The following USP28 variants were observed in gnomAD, a reference collection of about 807,000 sequenced individuals.
The protein encoded by USP28 is ubiquitin carboxyl-terminal hydrolase 28.
Under a neutral mutation model 145.0 loss-of-function variants are expected in USP28, and 113 were observed. That is an observed-to-expected ratio of 0.78 (90% CI 0.67 to 0.91). The LOEUF (loss-of-function observed/expected upper bound fraction) is 0.91. Ranked by LOEUF, USP28 falls within the 40% of genes least tolerant of loss-of-function variation. The pLI, the probability that USP28 is intolerant of heterozygous loss-of-function variation, is 0.00. For synonymous variants in USP28, 447 were observed against 450.9 expected (o/e 0.99, Z 0.11); for missense variants, 1,201 against 1,289.6 (o/e 0.93, Z 1.05).
intron 9 of USP28, chr11:113,829,590 G>A (rs997243223): frequency 2.4e-6 from 1 of 424,396 alleles, no homozygotes; most frequent in African/African-American, 2.1e-5. Flanking sequence ...CACTTTGGGA[G>A]GCCAAGGTGG....
Position 113,806,390 on chromosome 11 carries a change from C to T in USP28, c.2400+99G>A, listed in dbSNP as rs1939959805. On this transcript the variant is annotated intron_variant, in intron 19 of 24. Coordinates refer to ENST00000003302, the Ensembl canonical transcript of USP28. ...CTGGGACTACATGCACACACCACCA[C>T]ACCCAGCCTTAACCCCATTTTTTCC... 5.1e-6 allele frequency: 5 copies of T among 985,592 alleles called. No homozygotes were observed. The Admixed American group carries it at 8.5e-5, about 17-fold the overall frequency. 61.1% of individuals were successfully genotyped at this position (985,592 alleles called of 1,614,324 possible).
intron 21 of USP28, 126 bp downstream of exon 22, chr11:113,804,547 G>A: frequency 1.3e-6 from 1 of 774,144 alleles, no homozygotes; most frequent in South Asian, 2.0e-5. Context: ...TCTTTACCAG[G>A]ATTTTGAGGG....
intron 7 of USP28, 28 bp from the exon 8 acceptor site, chr11:113,832,021 A>C (rs1228728175): frequency 6.3e-7 from 1 of 1,586,664 alleles, no homozygotes; most frequent in African/African-American, 1.4e-5. Flanking sequence ...ATTGCATAAA[A>C]GTTAGATGCA....
chr11:113,821,981 C>T (rs1371715019), intron 12 of USP28: 1 of 151,994 alleles, frequency 6.6e-6, no homozygotes, highest in Non-Finnish European at 1.5e-5. Flanking sequence ...ACTCGAAGGT[C>T]TCATTTTATT....
chr11:113,853,878 C>CAAAAAAAAAA lies in USP28; in HGVS notation c.135+370_135+379dup, dbSNP rs57739058. 1.9e-4 allele frequency among the ~76,000 whole-genome samples: 23 copies of CAAAAAAAAAA among 123,230 alleles called. 1 individual carries two copies. Among genetic ancestry groups the CAAAAAAAAAA allele is most frequent in the African/African-American group, 2.8e-4 (9 of 31,750 alleles). 80.8% of individuals were successfully genotyped at this position (123,230 alleles called of 152,430 possible). On this transcript the variant is annotated intron_variant, in intron 2 of 24. Transcript: ENST00000003302. ...TGGGCATCAGAGTGAGACTCCATCT[C>CAAAAAAAAAA]AAAAAAAAAAAAAAGTATATATATA... is the stretch of plus-strand genomic sequence containing the variant.
At chr11:113,818,165 T>G in intron 12 of USP28, 1 of 175,598 alleles carries the variant, frequency 5.7e-6, no homozygotes, top group Non-Finnish European at 1.2e-5. Context: ...TGGTTTTTTT[T>G]TTTTGAGACA....
intron 15 of USP28, among the ~76,000 whole-genome samples, chr11:113,813,140 T>C (rs1400780735): frequency 6.6e-6 from 1 of 152,238 alleles, no homozygotes; most frequent in Admixed American, 6.5e-5. Context: ...AAATTAAATT[T>C]ACACTTACTT....
chr11:113,864,452 G>A (rs777523522), intron 1 of USP28, among the ~76,000 whole-genome samples: 3 of 152,126 alleles, frequency 2.0e-5, no homozygotes, highest in Non-Finnish European at 4.4e-5. Flanking sequence ...TTAGCAAGCT[G>A]GAGAACCAGG....
chr11:113,842,552 T>A, intron 3 of USP28, among the ~76,000 whole-genome samples: 1 of 146,172 alleles, frequency 6.8e-6, no homozygotes. Context: ...GCCACTGCAC[T>A]CCAGCCTAGG....
intron 7 of USP28, 52 bp from the exon 8 acceptor site, chr11:113,832,045 T>C (rs1011975885): frequency 1.4e-6 from 2 of 1,439,178 alleles, no homozygotes. Flanking sequence ...CTAAGAGAAA[T>C]TAAAATTTAT....
At chr11:113,843,539 T>G (rs1294217932) in intron 3 of USP28, among the ~76,000 whole-genome samples, 2 of 149,538 alleles carry the variant, frequency 1.3e-5, no homozygotes, top group African/African-American at 4.9e-5. Flanking sequence ...GGCGCGGTGG[T>G]GTATGCCTGT....
At chr11:113,798,368 T>C (rs1027625775) in exon 25 of USP28, 4 of 151,808 alleles carry the variant, frequency 2.6e-5, no homozygotes, top group African/African-American at 9.7e-5. Flanking sequence ...TGAGCTGAGA[T>C]TGCACCACTG....
At chr11:113,828,295 C>A (rs1772288875) in intron 10 of USP28, among the ~76,000 whole-genome samples, 1 of 152,180 alleles carries the variant, frequency 6.6e-6, no homozygotes, top group Non-Finnish European at 1.5e-5. Context: ...TCCTGGAATA[C>A]AGGTCTCCAC....
At chr11:113,828,378 T>C (rs1943613643) in intron 10 of USP28, among the ~76,000 whole-genome samples, 1 of 152,228 alleles carries the variant, frequency 6.6e-6, no homozygotes, top group Admixed American at 6.5e-5. Context: ...ATGGTACAGA[T>C]GACGTAATTC....
chr11:113,857,045 C>T (rs978102761), intron 1 of USP28, among the ~76,000 whole-genome samples: 8 of 152,174 alleles, frequency 5.3e-5, no homozygotes, highest in African/African-American at 1.9e-4. Flanking sequence ...TCTAAGGTGC[C>T]ATCGGTTGAA....
At chr11:113,852,981 TC>T (rs1946644288) in intron 2 of USP28, among the ~76,000 whole-genome samples, 1 of 152,034 alleles carries the variant, frequency 6.6e-6, no homozygotes, top group Non-Finnish European at 1.5e-5. Context: ...ACATAGACAT[TC>T]TAAATGAAGT....
chr11:113,812,497 TA>T lies in USP28; in HGVS notation c.1750del (p.Tyr584IlefsTer54). 2 of 1,613,926 alleles carry T rather than the reference TA, an allele frequency of 1.2e-6. No individual in the cohort carries two copies. On this transcript the variant is annotated frameshift_variant, in exon 16 of 25. Coordinates refer to ENST00000003302, the Ensembl canonical transcript of USP28. LOFTEE classifies it high-confidence loss of function. ...ATGAACAAGAACTGCATGCAAGCGA[TA>T]AGGCACCTGTAAGTCAGAATGTACA...
chr11:113,864,781 GAAT>G (rs1210164392), intron 1 of USP28, among the ~76,000 whole-genome samples: 1 of 152,162 alleles, frequency 6.6e-6, no homozygotes, highest in Non-Finnish European at 1.5e-5. Context: ...GACACACCTA[GAAT>G]AATGTTTGAC....
chr11:113,842,522 T>G (rs1419876748), intron 3 of USP28, among the ~76,000 whole-genome samples: 1 of 151,096 alleles, frequency 6.6e-6, no homozygotes, highest in Non-Finnish European at 1.5e-5. Context: ...GAGGTGGAGC[T>G]TGCAGGGAGC....
Sources: gnomAD v4.1 joint callset for allele counts (sites outside exome capture counted in the v4.1 genomes callset) on GRCh38, gnomAD v4.1.1 for gene constraint, MANE v1.5 for transcripts, NCBI Gene and HGNC (gene_info 2026-07-23, HGNC 2026-07-21) for gene names.